THOP1: variants seen among roughly 807,000 people sequenced by gnomAD.
THOP1 encodes thimet oligopeptidase 1.
THOP1 carries 49 observed loss-of-function variants against 71.8 expected under a neutral mutation model. The ratio of observed to expected loss-of-function variants is 0.68; its 90% CI spans 0.54 to 0.87. The LOEUF is 0.87. THOP1 is among the 40% of genes least tolerant of loss of function. The pLI, the probability that THOP1 is intolerant of heterozygous loss-of-function variation, is 0.00. For synonymous variants in THOP1, 426 were observed against 421.5 expected, an observed-to-expected ratio of 1.01 and a Z score of -0.13; for missense variants, 843 against 975.6, an observed-to-expected ratio of 0.86 and a Z score of 1.81.
rs1273111641 is a variant in THOP1 at position 2,801,205 on chromosome 19, G to A, written c.589+1414G>A. Among the ~76,000 whole-genome samples, 1 of 152,166 alleles carries A rather than the reference G, an allele frequency of 6.6e-6. No individual in the cohort carries two copies. Among genetic ancestry groups the A allele is most frequent in the Non-Finnish European group, 1.5e-5 (1 of 68,028 alleles). On this transcript the variant is annotated intron_variant, in intron 5 of 12. Coordinates refer to ENST00000307741, the MANE Select transcript of THOP1 (RefSeq NM_003249.5). This position sits in a 1 kb window ranked among gnomAD's most constrained non-coding sequence, Gnocchi z 5.1. ...CTCGTGGGTCCTGGGTGTGAATCCT[G>A]GGGAAGTCTGTATGAAGCGCGGTGG...
At chr19:2,800,674 T>C (rs1916124325) in intron 5 of THOP1, among the ~76,000 whole-genome samples, 1 of 152,218 alleles carries the variant, frequency 6.6e-6, no homozygotes, top group African/African-American at 2.4e-5. Context: ...CAAGCTTGGC[T>C]GCCAGCCACT....
chr19:2,812,967 G>C, intron 12 of THOP1, 148 bp from the exon 13 acceptor site: 4 of 860,462 alleles, frequency 4.6e-6, no homozygotes, highest in Non-Finnish European at 7.1e-6. Context: ...TCTCCCACCT[G>C]TGCTGATGCA....
chr19:2,797,939 G>A (rs751996837), intron 4 of THOP1, among the ~76,000 whole-genome samples: 46 of 152,350 alleles, frequency 3.0e-4, no homozygotes, highest in South Asian at 1.2e-3. Flanking sequence ...TGACGAAAGC[G>A]GAGTCAGGGT....
At chr19:2,788,698 T>C (rs1169755014) in intron 1 of THOP1, among the ~76,000 whole-genome samples, 3 of 151,736 alleles carry the variant, frequency 2.0e-5, no homozygotes, top group Admixed American at 6.6e-5. Flanking sequence ...ACACTGGTCT[T>C]GAACTCCTAG....
chr19:2,797,938 C>T (rs1366692100), intron 4 of THOP1, among the ~76,000 whole-genome samples: 2 of 152,216 alleles, frequency 1.3e-5, no homozygotes, highest in Non-Finnish European at 2.9e-5. Flanking sequence ...CTGACGAAAG[C>T]GGAGTCAGGG....
intron 12 of THOP1, chr19:2,812,187 T>C: frequency 6.7e-7 from 1 of 1,498,674 alleles, no homozygotes; most frequent in South Asian, 1.3e-5. Context: ...CATTTGCTCC[T>C]CCAACCTCCA....
In THOP1 at chr19:2,813,853, G is replaced by C. The variant is rs112002599; in HGVS notation, c.*577G>C. 0.068 allele frequency: 10,354 copies of C among 152,668 alleles called. 1,134 individuals carry two copies. Among genetic ancestry groups the C allele is most frequent in the African/African-American group, 0.24 (9,763 of 41,362 alleles). The allele number at this position is 152,668 out of a possible 1,614,324, so 9.5% of individuals were successfully genotyped here. ...GTTGTCATTCTGGAACATTCCCCCC[G>C]CCCTGCTCAGCTCTGGCCATCAAGG... On this transcript the variant is annotated 3_prime_UTR_variant, in exon 13 of 13. Transcript: ENST00000307741.
At chr19:2,812,241 T>C (rs1478631405) in intron 12 of THOP1, 8 of 1,533,740 alleles carry the variant, frequency 5.2e-6, no homozygotes, top group Non-Finnish European at 7.0e-6. Context: ...TGTGAGCCTG[T>C]GCCTCCCGCT....
At position 2,810,769 on chromosome 19, in the gene THOP1, GTA is replaced by G. The variant is rs2144784722; in HGVS notation, c.1771+2_1771+3del. 1 of 1,602,584 alleles carries G rather than the reference GTA, an allele frequency of 6.2e-7. No individual in the cohort carries two copies. Among genetic ancestry groups the G allele is most frequent in the Non-Finnish European group, 8.5e-7 (1 of 1,177,332 alleles). Reference sequence around the variant, plus strand: ...ATCCTCGGGGTCCCGGCCACGCCAGGTAGCCACCCTTGAGCCGGGCACACCCT... The same window carrying G: ...ATCCTCGGGGTCCCGGCCACGCCAGGGCCACCCTTGAGCCGGGCACACCCT... On this transcript the variant is annotated splice_donor_variant and splice_donor_region_variant and intron_variant, in intron 11 of 12. Transcript: ENST00000307741. LOFTEE classifies it high-confidence loss of function.
At chr19:2,802,212 G>A in intron 5 of THOP1, among the ~76,000 whole-genome samples, 1 of 143,312 alleles carries the variant, frequency 7.0e-6, no homozygotes, top group East Asian at 2.1e-4. Context: ...TCCACCTCCG[G>A]ACACCCCCAC....
intron 4 of THOP1, among the ~76,000 whole-genome samples, chr19:2,798,441 A>G (rs1290112920): frequency 6.6e-6 from 1 of 152,232 alleles, no homozygotes; most frequent in South Asian, 2.1e-4. Flanking sequence ...GAGCAGAGGC[A>G]GCCCCGCCTG....
Position 2,814,586 on chromosome 19 carries a change from G to C in THOP1, c.*1310G>C, listed in dbSNP as rs1916564397. The C allele has an allele frequency of 6.6e-6, 1 of 152,626 alleles. No individual in the cohort carries two copies. Among genetic ancestry groups the C allele is most frequent in the African/African-American group, 2.4e-5 (1 of 41,472 alleles). 9.5% of individuals were successfully genotyped at this position (152,626 alleles called of 1,614,324 possible). ...GGCTGTGGCCACTGCCATGGGGCCT[G>C]CTTTGCACCTTACGCACGCCTGGCT... On this transcript the variant is annotated 3_prime_UTR_variant, in exon 13 of 13. Coordinates refer to ENST00000307741, the MANE Select transcript of THOP1 (RefSeq NM_003249.5).
In THOP1 at chr19:2,801,427, A is replaced by AG. The variant is rs1314987587; in HGVS notation, c.589+1640dup. On this transcript the variant is annotated intron_variant, in intron 5 of 12. Coordinates refer to ENST00000307741, the MANE Select transcript of THOP1 (RefSeq NM_003249.5). The surrounding 1 kb of genome is among the most constrained non-coding windows in gnomAD (Gnocchi z 5.1). ...GGTGCCGTTCCATTTGTCGGGCCTG[A>AG]GGGGTCTCCCGTGCAGGTGGCTTGA... Among the ~76,000 whole-genome samples, 1 of 152,004 alleles carries AG rather than the reference A, an allele frequency of 6.6e-6. No homozygotes were observed. The highest frequency in any genetic ancestry group is 1.5e-5 in the Non-Finnish European group (1 of 68,008).
chr19:2,808,073 G>T (rs192000766), intron 8 of THOP1, 170 bp from the exon 9 acceptor site: 2 of 853,434 alleles, frequency 2.3e-6, no homozygotes, highest in African/African-American at 1.7e-5. Context: ...GGGCCTGGCC[G>T]TGGTTTTCAT....
chr19:2,800,869 G>A (rs558427075), intron 5 of THOP1, among the ~76,000 whole-genome samples: 1 of 151,994 alleles, frequency 6.6e-6, no homozygotes, highest in Non-Finnish European at 1.5e-5. Context: ...CCGTCCCCGC[G>A]GCCACCCGCA....
At chr19:2,793,221 T>A (rs963377483) in intron 2 of THOP1, among the ~76,000 whole-genome samples, 8 of 152,100 alleles carry the variant, frequency 5.3e-5, no homozygotes, top group African/African-American at 1.4e-4. Flanking sequence ...TGGTTTTTAA[T>A]AAATTTGCAG....
chr19:2,812,311 T>C, intron 12 of THOP1: 1 of 1,535,384 alleles, frequency 6.5e-7, no homozygotes. Context: ...AACAGGTGGC[T>C]ACCAGCTTTG....
chr19:2,799,579 G>T, intron 4 of THOP1, 110 bp from the exon 5 acceptor site: 1 of 867,076 alleles, frequency 1.2e-6, no homozygotes, highest in Non-Finnish European at 1.8e-6. Context: ...TTTCGGCCTG[G>T]TTCTTGGGGA....
rs1915717711 is a variant in THOP1, at chr19:2,785,511, C to T, written c.-152C>T. On this transcript the variant is annotated 5_prime_UTR_variant, in exon 1 of 13. Coordinates refer to ENST00000307741, the MANE Select transcript of THOP1 (RefSeq NM_003249.5). ...TGTGCGCGCGCCGCCCCAGCATGCC[C>T]CGGGAGCGCGGGCGGCGGGCCCCTT... 1 of 818,288 alleles carries T rather than the reference C, an allele frequency of 1.2e-6. No homozygotes were observed. The highest frequency in any genetic ancestry group is 1.7e-6 in the Non-Finnish European group (1 of 595,870). 50.7% of individuals were successfully genotyped at this position (818,288 alleles called of 1,614,324 possible).
Sources: gnomAD v4.1 joint callset for allele counts (sites outside exome capture counted in the v4.1 genomes callset) on GRCh38, gnomAD v4.1.1 for gene constraint, Gnocchi (gnomAD v3.1) non-coding constraint, MANE v1.5 for transcripts, NCBI Gene and HGNC (gene_info 2026-07-23, HGNC 2026-07-21) for gene names.